RNF24: variants seen among roughly 807,000 people sequenced by gnomAD.
RNF24 encodes ring finger protein 24.
Under a neutral mutation model 20.0 loss-of-function variants are expected in RNF24, and 14 were observed. That is an observed-to-expected ratio of 0.70 (90% CI 0.46 to 1.10). RNF24 has a LOEUF of 1.10. Ranked by LOEUF, RNF24 falls within the 50% of genes least tolerant of loss-of-function variation. RNF24 has a pLI of 0.00. For missense variants in RNF24, 124 were observed against 177.6 expected, an observed-to-expected ratio of 0.70 and a Z score of 1.71; for synonymous variants, 45 against 61.1, an observed-to-expected ratio of 0.74 and a Z score of 1.23.
At position 3,928,065 on chromosome 20, in the gene RNF24, A is replaced by T. The variant is rs566185146; in HGVS notation, c.*5998T>A. 6.6e-6 allele frequency: 1 copy of T among 152,264 alleles called. No individual in the cohort carries two copies. Among genetic ancestry groups the T allele is most frequent in the East Asian group, 1.9e-4 (1 of 5,186 alleles). 9.4% of individuals were successfully genotyped at this position (152,264 alleles called of 1,614,324 possible). On this transcript the variant is annotated 3_prime_UTR_variant, in exon 6 of 6. Transcript: ENST00000358395. ...CCCAGCACATGGGGATCCCTTATTA[A>T]TCTTTACTAAAGAACCGTGAACCAG...
At chr20:3,991,695 G>A (rs1020407715) in intron 1 of RNF24, among the ~76,000 whole-genome samples, 1 of 151,948 alleles carries the variant, frequency 6.6e-6, no homozygotes, top group African/African-American at 2.4e-5. Context: ...TTATCACAAG[G>A]ATAATTAGAT....
intron 1 of RNF24, among the ~76,000 whole-genome samples, chr20:3,990,515 T>G (rs1469853605): frequency 2.0e-5 from 3 of 152,156 alleles, no homozygotes; most frequent in Non-Finnish European, 2.9e-5. Context: ...AATATGTAAT[T>G]GGTTAAGTCA....
At chr20:3,946,959 G>A (rs1163336502) in intron 3 of RNF24, among the ~76,000 whole-genome samples, 2 of 152,066 alleles carry the variant, frequency 1.3e-5, no homozygotes, top group East Asian at 1.9e-4. Flanking sequence ...TTGGGAGGCC[G>A]AGGTGGGTGG....
chr20:3,965,669 G>T (rs1391982964), intron 1 of RNF24, among the ~76,000 whole-genome samples: 1 of 152,206 alleles, frequency 6.6e-6, no homozygotes, highest in African/African-American at 2.4e-5. Flanking sequence ...ACGCTGTGGA[G>T]CTATTAGAAA....
In RNF24 at chr20:3,929,562, C is replaced by T. The variant is rs955103040; in HGVS notation, c.*4501G>A. The stretch of plus-strand genomic sequence containing the variant: ...TGCTCAAACTCCTGCATCAAAGACA[C>T]AAGAGCTTGCCTAAGTGACCACAAC... On this transcript the variant is annotated 3_prime_UTR_variant, in exon 6 of 6. Transcript: ENST00000358395. 1 of 152,344 alleles carries T rather than the reference C, an allele frequency of 6.6e-6. No individual in the cohort carries two copies. The allele number at this position is 152,344 out of a possible 1,614,324, so 9.4% of individuals were successfully genotyped here.
chr20:4,006,375 A>C (rs1981875422), intron 1 of RNF24, among the ~76,000 whole-genome samples: 1 of 152,154 alleles, frequency 6.6e-6, no homozygotes, highest in African/African-American at 2.4e-5. Flanking sequence ...TCTCAAAAAA[A>C]AAAAAAAGTC....
chr20:3,966,482 G>GTGTGTGTGTGTGTGTGTGTGTT (rs1402179796), intron 1 of RNF24, among the ~76,000 whole-genome samples: 14 of 150,702 alleles, frequency 9.3e-5, no homozygotes, highest in Admixed American at 5.3e-4. Flanking sequence ...GTGTGTGTGT[G>GTGTGTGTGTGTGTGTGTGTGTT]TGTGTGTGTG....
intron 1 of RNF24, among the ~76,000 whole-genome samples, chr20:4,001,056 C>A (rs1408058990): frequency 6.6e-6 from 1 of 152,040 alleles, no homozygotes; most frequent in East Asian, 1.9e-4. Context: ...TACCTGAGCT[C>A]AGGAGTTCGA....
Position 3,934,290 on chromosome 20 carries a change from G to T in RNF24, c.309-89C>A. On this transcript the variant is annotated intron_variant, in intron 5 of 5. Transcript: ENST00000358395. The surrounding 1 kb of genome is among the most constrained non-coding windows in gnomAD (Gnocchi z 4.0). ...TGAACATCTCCATATCTGTCACCCAGACAACGTCTGCTGTATGGTCCAAGG... is the reference window on the plus strand; with the variant it reads ...TGAACATCTCCATATCTGTCACCCATACAACGTCTGCTGTATGGTCCAAGG... 7.3e-7 allele frequency: 1 copy of T among 1,361,236 alleles called. No individual in the cohort carries two copies. Among genetic ancestry groups the T allele is most frequent in the Non-Finnish European group, 1.0e-6 (1 of 998,560 alleles). The allele number at this position is 1,361,236 out of a possible 1,614,324, so 84.3% of individuals were successfully genotyped here. A position where few individuals can be genotyped will look rare whatever the true frequency, so the allele number is the denominator to read the frequency against.
intron 1 of RNF24, among the ~76,000 whole-genome samples, chr20:4,010,896 G>A (rs1982409069): frequency 6.6e-6 from 1 of 152,168 alleles, no homozygotes; most frequent in Admixed American, 6.5e-5. Flanking sequence ...AAACGTTCGG[G>A]GGAGAATTCC....
intron 1 of RNF24, among the ~76,000 whole-genome samples, chr20:4,009,947 A>C (rs1021064465): frequency 6.6e-6 from 1 of 152,154 alleles, no homozygotes; most frequent in Non-Finnish European, 1.5e-5. Context: ...GCAACTGGGG[A>C]GGCTGAGGCA....
chr20:3,936,427 G>T (rs969228794), intron 4 of RNF24, among the ~76,000 whole-genome samples: 2 of 152,194 alleles, frequency 1.3e-5, no homozygotes, highest in African/African-American at 4.8e-5. Context: ...TTGGGGGGTA[G>T]GGTTAAGGAC....
At chr20:3,943,112 G>A (rs1277956254) in intron 4 of RNF24, among the ~76,000 whole-genome samples, 1 of 152,116 alleles carries the variant, frequency 6.6e-6, no homozygotes, top group African/African-American at 2.4e-5. Flanking sequence ...CACCCAGCCC[G>A]GCGAGAGACC....
chr20:3,978,226 C>T lies in RNF24; in HGVS notation c.-7-14202G>A, dbSNP rs113405983. On this transcript the variant is annotated intron_variant, in intron 1 of 5. Transcript: ENST00000358395. ...CTAATTTTTGTATTTTTAGTAGAGA[C>T]GGGGTTTCGCCCTGTTGGCCAGGCC... Among the ~76,000 whole-genome samples, 838 of 151,834 alleles carry T rather than the reference C, an allele frequency of 5.5e-3. 6 individuals carry two copies. Among genetic ancestry groups the T allele is most frequent in the African/African-American group, 0.018 (760 of 41,396 alleles).
At chr20:4,007,645 CT>C (rs1412000745) in intron 1 of RNF24, among the ~76,000 whole-genome samples, 1 of 148,730 alleles carries the variant, frequency 6.7e-6, no homozygotes, top group African/African-American at 2.5e-5. Context: ...TGGCTCCTGC[CT>C]GTAATCCTAG....
chr20:3,969,420 C>T (rs191147645), intron 1 of RNF24, among the ~76,000 whole-genome samples: 35 of 151,478 alleles, frequency 2.3e-4, no homozygotes, highest in East Asian at 2.1e-3. Flanking sequence ...CACATGTTAA[C>T]GAGTTCTCTG....
chr20:3,991,878 C>G (rs912348435), intron 1 of RNF24, among the ~76,000 whole-genome samples: 1 of 151,982 alleles, frequency 6.6e-6, no homozygotes, highest in African/African-American at 2.4e-5. Flanking sequence ...ACATTATTGT[C>G]TTAATCTAAT....
chr20:3,953,695 C>G (rs2091109091), intron 2 of RNF24, among the ~76,000 whole-genome samples: 1 of 151,492 alleles, frequency 6.6e-6, no homozygotes, highest in Non-Finnish European at 1.5e-5. Flanking sequence ...ATCTCCTGAC[C>G]TCGTGATCTG....
In RNF24 at chr20:3,929,155, A is replaced by C. The variant is rs899254981; in HGVS notation, c.*4908T>G. On this transcript the variant is annotated 3_prime_UTR_variant, in exon 6 of 6. Coordinates refer to ENST00000358395, the MANE Select transcript of RNF24 (RefSeq NM_001134337.3). Reference sequence around the variant, plus strand: ...CAGGCGTGAGCCATCGCGCCCGACCAGAAGCATTTTCTTTTCAAAGTGTGT... The same window carrying C: ...CAGGCGTGAGCCATCGCGCCCGACCCGAAGCATTTTCTTTTCAAAGTGTGT... The C allele has an allele frequency of 6.6e-6, 1 of 152,270 alleles. No homozygotes were observed. The highest frequency in any genetic ancestry group is 1.5e-5 in the Non-Finnish European group (1 of 68,104). The allele number at this position is 152,270 out of a possible 1,614,324, so 9.4% of individuals were successfully genotyped here.
Sources: allele counts gnomAD v4.1 joint callset (sites outside exome capture counted in the v4.1 genomes callset), GRCh38; gene constraint gnomAD v4.1.1; non-coding constraint Gnocchi (gnomAD v3.1); transcripts MANE v1.5; gene names NCBI Gene and HGNC (gene_info 2026-07-23, HGNC 2026-07-21).